Variants in FAM222B observed in about 807,000 individuals in gnomAD.
The protein encoded by FAM222B is protein FAM222B.
Under a neutral mutation model 38.0 loss-of-function variants are expected in FAM222B, and 12 were observed. The ratio of observed to expected loss-of-function variants is 0.32; its 90% CI spans 0.20 to 0.51. The LOEUF (loss-of-function observed/expected upper bound fraction) is 0.51. Ranked by LOEUF, FAM222B falls within the 20% of genes least tolerant of loss-of-function variation. FAM222B has a pLI of 0.97. For synonymous variants in FAM222B, 329 were observed against 317.2 expected, an observed-to-expected ratio of 1.04 and a Z score of -0.40; for missense variants, 716 against 754.2, an observed-to-expected ratio of 0.95 and a Z score of 0.59.
chr17:28,814,145 A>C (rs937805155), intron 1 of FAM222B, among the ~76,000 whole-genome samples: 3 of 150,998 alleles, frequency 2.0e-5, no homozygotes, highest in Non-Finnish European at 4.4e-5. Flanking sequence ...GTGCCACTGC[A>C]CTCCAGCCTG....
chr17:28,820,119 A>G (rs1354957159), intron 1 of FAM222B, among the ~76,000 whole-genome samples: 2 of 152,214 alleles, frequency 1.3e-5, no homozygotes, highest in Admixed American at 1.3e-4. Flanking sequence ...AAAACAATAT[A>G]TACGATCCCA....
intron 2 of FAM222B, among the ~76,000 whole-genome samples, chr17:28,764,687 C>T (rs1020098652): frequency 6.6e-6 from 1 of 151,670 alleles, no homozygotes; most frequent in Non-Finnish European, 1.5e-5. Context: ...GCGGAGGTTG[C>T]GTTGAGCCGA....
At chr17:28,806,278 T>C (rs188746886) in intron 1 of FAM222B, among the ~76,000 whole-genome samples, 2 of 152,314 alleles carry the variant, frequency 1.3e-5, no homozygotes, top group African/African-American at 2.4e-5. Context: ...AACTTTTGTT[T>C]TTTCCACTTT....
At chr17:28,778,713 A>ATT (rs2036019558) in intron 1 of FAM222B, among the ~76,000 whole-genome samples, 1 of 68,990 alleles carries the variant, frequency 1.4e-5, no homozygotes, top group African/African-American at 6.5e-5. Flanking sequence ...ATATATATAT[A>ATT]TATATATTTT....
At chr17:28,777,188 C>T (rs2035934967) in intron 1 of FAM222B, 1 of 152,130 alleles carries the variant, frequency 6.6e-6, no homozygotes, top group Non-Finnish European at 1.5e-5. Context: ...GGTATTTACT[C>T]TAGACTTACT....
chr17:28,849,965 C>T (rs182798314), intron 1 of FAM222B, among the ~76,000 whole-genome samples: 182 of 152,136 alleles, frequency 1.2e-3, no homozygotes, highest in African/African-American at 4.1e-3. Context: ...TGCCTGTAAT[C>T]CCAACTACTC....
At chr17:28,778,118 C>T (rs1309946746) in intron 1 of FAM222B, among the ~76,000 whole-genome samples, 2 of 149,512 alleles carry the variant, frequency 1.3e-5, no homozygotes, top group Non-Finnish European at 3.0e-5. Flanking sequence ...TTCTGGGATA[C>T]ATGTGCAGAA....
At chr17:28,841,452 G>A (rs1289189126) in intron 1 of FAM222B, among the ~76,000 whole-genome samples, 1 of 151,956 alleles carries the variant, frequency 6.6e-6, no homozygotes, top group Admixed American at 6.6e-5. Context: ...TCGGCTCACC[G>A]CAACCTCTGC....
chr17:28,784,096 C>A (rs1301153377), intron 1 of FAM222B, among the ~76,000 whole-genome samples: 1 of 152,072 alleles, frequency 6.6e-6, no homozygotes, highest in East Asian at 1.9e-4. Context: ...CACCACCACA[C>A]CTGGCCGAGA....
At chr17:28,821,913 C>T (rs552449680) in intron 1 of FAM222B, among the ~76,000 whole-genome samples, 28 of 151,818 alleles carry the variant, frequency 1.8e-4, no homozygotes, top group Admixed American at 7.2e-4. Context: ...TGCAGTGAGC[C>T]GAGATTGCAC....
At chr17:28,835,061 TG>T (rs1361621063) in intron 1 of FAM222B, among the ~76,000 whole-genome samples, 10 of 131,572 alleles carry the variant, frequency 7.6e-5, no homozygotes, top group African/African-American at 2.7e-4. Context: ...TGTGTGTGTG[TG>T]TGTGATGGAG....
chr17:28,818,514 G>A (rs1299503809), intron 1 of FAM222B, among the ~76,000 whole-genome samples: 1 of 148,878 alleles, frequency 6.7e-6, no homozygotes, highest in Non-Finnish European at 1.5e-5. Context: ...TCTCCAGGGC[G>A]ACAGAGCGAG....
At chr17:28,778,907 C>G (rs2036038244) in intron 1 of FAM222B, among the ~76,000 whole-genome samples, 1 of 150,774 alleles carries the variant, frequency 6.6e-6, no homozygotes, top group Non-Finnish European at 1.5e-5. Context: ...TTTCAAAGCT[C>G]TATCAGGACT....
Position 28,786,200 on chromosome 17 carries a change from T to A in FAM222B, c.-40-19493A>T, listed in dbSNP as rs140587633. 8.4e-3 allele frequency among the ~76,000 whole-genome samples: 1,279 copies of A among 152,170 alleles called. 14 individuals carry two copies. The highest frequency in any genetic ancestry group is 0.027 in the African/African-American group (1,106 of 41,520). ...TTCCTAATGAATTGGAGGAATCACC[T>A]CTCCTAGGCCAACACTTTGCAATGT... On this transcript the variant is annotated intron_variant, in intron 1 of 2. Transcript: ENST00000581407.
At chr17:28,804,170 T>A (rs999671311) in intron 1 of FAM222B, among the ~76,000 whole-genome samples, 3 of 152,116 alleles carry the variant, frequency 2.0e-5, no homozygotes, top group Non-Finnish European at 4.4e-5. Flanking sequence ...AGCTCCTAGT[T>A]CTTAGGCCTT....
At chr17:28,825,743 T>C (rs577945431) in intron 1 of FAM222B, among the ~76,000 whole-genome samples, 1 of 152,304 alleles carries the variant, frequency 6.6e-6, no homozygotes, top group Non-Finnish European at 1.5e-5. Flanking sequence ...CCTCTATTTT[T>C]CTGTACAGTG....
upstream of FAM222B, among the ~76,000 whole-genome samples, chr17:28,845,623 C>T (rs1055289120): frequency 1.3e-5 from 2 of 151,764 alleles, no homozygotes; most frequent in African/African-American, 2.4e-5. Context: ...AGGCCAGGCA[C>T]AGTGGGTCAC....
chr17:28,786,594 T>C (rs1267737034), intron 1 of FAM222B, among the ~76,000 whole-genome samples: 1 of 152,206 alleles, frequency 6.6e-6, no homozygotes, highest in Admixed American at 6.5e-5. Context: ...CAGTTTTCAT[T>C]TGGACACTTG....
chr17:28,774,958 A>T (rs948644028), intron 1 of FAM222B, among the ~76,000 whole-genome samples: 13 of 150,646 alleles, frequency 8.6e-5, no homozygotes, highest in African/African-American at 2.4e-4. Flanking sequence ...AATAAATTAA[A>T]TAAATAAATA....
Sources: gnomAD v4.1 joint callset for allele counts (sites outside exome capture counted in the v4.1 genomes callset) on GRCh38, gnomAD v4.1.1 for gene constraint, MANE v1.5 for transcripts, NCBI Gene and HGNC (gene_info 2026-07-23, HGNC 2026-07-21) for gene names.